APBB2: variants seen among roughly 807,000 people sequenced by gnomAD.
APBB2 encodes amyloid beta precursor protein binding family B member 2.
Under a neutral mutation model 82.5 loss-of-function variants are expected in APBB2, and 38 were observed. The ratio of observed to expected loss-of-function variants is 0.46; its 90% CI spans 0.36 to 0.60. The LOEUF (loss-of-function observed/expected upper bound fraction) is 0.60. APBB2 is among the 20% of genes least tolerant of loss of function. APBB2 has a pLI of 0.00. For missense variants in APBB2, 772 were observed against 972.3 expected (o/e 0.79, Z 2.74); for synonymous variants, 341 against 368.2 (o/e 0.93, Z 0.85).
chr4:41,192,537 C>T (rs931409785), intron 1 of APBB2, among the ~76,000 whole-genome samples: 2 of 151,550 alleles, frequency 1.3e-5, no homozygotes, highest in Admixed American at 6.6e-5. Flanking sequence ...ATACCAGACA[C>T]GGAAAGAAAA....
intron 1 of APBB2, among the ~76,000 whole-genome samples, chr4:41,171,413 CAA>C (rs36104073): frequency 0.14 from 20,989 of 146,152 alleles, 2,467 homozygotes; most frequent in African/African-American, 0.33. Flanking sequence ...ACAATAATAG[CAA>C]AAAAAAAAAA....
At chr4:40,870,042 C>A (rs1490759908) in intron 12 of APBB2, among the ~76,000 whole-genome samples, 1 of 151,928 alleles carries the variant, frequency 6.6e-6, no homozygotes, top group Non-Finnish European at 1.5e-5. Context: ...ACTTAGGTAC[C>A]AAATCACGTT....
At chr4:40,888,060 G>A (rs964213093) in intron 12 of APBB2, among the ~76,000 whole-genome samples, 10 of 152,156 alleles carry the variant, frequency 6.6e-5, no homozygotes, top group African/African-American at 2.2e-4. Flanking sequence ...ACTCCTCTCC[G>A]ACCTCCACTG....
chr4:40,963,650 T>C (rs752956130), intron 6 of APBB2, among the ~76,000 whole-genome samples: 1 of 152,236 alleles, frequency 6.6e-6, no homozygotes, highest in Non-Finnish European at 1.5e-5. Flanking sequence ...GAAGTGGGAA[T>C]AGAGAAACAT....
At chr4:40,968,211 C>T (rs1795126533) in intron 6 of APBB2, among the ~76,000 whole-genome samples, 1 of 152,196 alleles carries the variant, frequency 6.6e-6, no homozygotes, top group Non-Finnish European at 1.5e-5. Context: ...GAGCTAGTAA[C>T]AGTAGGCTGG....
chr4:41,090,729 C>T (rs906785416), intron 3 of APBB2, among the ~76,000 whole-genome samples: 3 of 152,106 alleles, frequency 2.0e-5, no homozygotes, highest in African/African-American at 4.8e-5. Context: ...GAACAGCAGG[C>T]ATAGCTAGGA....
chr4:41,014,273 A>C lies in APBB2; in HGVS notation c.145T>G (p.Leu49Val), dbSNP rs1192890980. 6.2e-6 allele frequency: 10 copies of C among 1,614,000 alleles called. No individual in the cohort carries two copies. The highest frequency in any genetic ancestry group is 8.5e-6 in the Non-Finnish European group (10 of 1,180,036). Residue 49 changes from leucine (L) to valine (V), a missense_variant, in exon 6 of 18, where the codon TTG becomes GTG. Physicochemically the swap from Leu to Val is conservative, Grantham distance 32 (BLOSUM62 1). Coordinates refer to ENST00000508593, the MANE Select transcript of APBB2 (RefSeq NM_004307.2). ...TCTGTGTGTTTTATTTCAGCGTTCA[A>C]CAGTTCATTGTGGGAGGATCGGAGG... ...LNLRSSHNEL[L>V]NAEIKHTETK...
intron 12 of APBB2, among the ~76,000 whole-genome samples, chr4:40,844,665 T>C (rs938643205): frequency 2.0e-5 from 3 of 152,126 alleles, no homozygotes; most frequent in Non-Finnish European, 4.4e-5. Context: ...TGGGTAGCAA[T>C]TTACAAGATC....
intron 12 of APBB2, among the ~76,000 whole-genome samples, chr4:40,860,042 A>C (rs1243382116): frequency 6.6e-6 from 1 of 152,180 alleles, no homozygotes; most frequent in Non-Finnish European, 1.5e-5. Context: ...CTTGGTGTTA[A>C]ATATTTGGAA....
chr4:41,052,574 T>C (rs1337182927), intron 4 of APBB2, among the ~76,000 whole-genome samples: 1 of 152,128 alleles, frequency 6.6e-6, no homozygotes, highest in Non-Finnish European at 1.5e-5. Context: ...CTGAGGATGT[T>C]AACACACCTA....
chr4:41,013,755 G>T lies in APBB2; in HGVS notation c.663C>A (p.Gly221=). Reference sequence around the variant, plus strand: ...GGCTGGATGACACTGTGGCTACTTGGCCGTCTTCAGGGCTGGACTGGGGTC... The same window carrying T: ...GGCTGGATGACACTGTGGCTACTTGTCCGTCTTCAGGGCTGGACTGGGGTC... ...PNRPQSSPED[G]QVATVSSSPE... Residue 221 remains glycine (G), a synonymous_variant, in exon 6 of 18, where the codon GGC becomes GGA. Coordinates refer to ENST00000508593, the MANE Select transcript of APBB2 (RefSeq NM_004307.2). 6.2e-7 allele frequency: 1 copy of T among 1,614,190 alleles called. No individual in the cohort carries two copies. The highest frequency in any genetic ancestry group is 8.5e-7 in the Non-Finnish European group (1 of 1,180,026).
At chr4:41,048,608 C>A (rs1192377163) in intron 4 of APBB2, among the ~76,000 whole-genome samples, 3 of 151,956 alleles carry the variant, frequency 2.0e-5, no homozygotes. Flanking sequence ...TCTCTCCTCT[C>A]AAAAAATAAA....
At chr4:41,044,585 C>A (rs1028751359) in intron 4 of APBB2, among the ~76,000 whole-genome samples, 1 of 152,132 alleles carries the variant, frequency 6.6e-6, no homozygotes, top group Non-Finnish European at 1.5e-5. Flanking sequence ...AGTTTGTGTT[C>A]TTTATGTCTG....
At chr4:41,005,304 C>G (rs977904452) in intron 6 of APBB2, among the ~76,000 whole-genome samples, 3 of 152,168 alleles carry the variant, frequency 2.0e-5, no homozygotes, top group South Asian at 2.1e-4. Context: ...TGGCCAGGAT[C>G]GTCTCAATCT....
At chr4:41,139,163 T>C (rs1353678060) in intron 2 of APBB2, among the ~76,000 whole-genome samples, 1 of 151,958 alleles carries the variant, frequency 6.6e-6, no homozygotes, top group Non-Finnish European at 1.5e-5. Flanking sequence ...GAGCTCTTAA[T>C]ATTGAACTAG....
chr4:40,934,606 T>C lies in APBB2; in HGVS notation c.1193+8A>G. On this transcript the variant is annotated splice_region_variant and intron_variant, in intron 9 of 17. Transcript: ENST00000508593. ...ATTGACAGCAGGTCGATCCTACTAA[T>C]GTCCTACCTGAGTTTCAAAGATGCA... 6.2e-7 allele frequency: 1 copy of C among 1,612,606 alleles called. No individual in the cohort carries two copies. The highest frequency in any genetic ancestry group is 8.5e-7 in the Non-Finnish European group (1 of 1,178,598).
chr4:41,109,688 T>G (rs933845822), intron 2 of APBB2, among the ~76,000 whole-genome samples: 2 of 152,208 alleles, frequency 1.3e-5, no homozygotes, highest in South Asian at 4.1e-4. Context: ...GCCAGGATGG[T>G]CTTGATCTCC....
chr4:41,208,557 C>T (rs937549081), intron 1 of APBB2, among the ~76,000 whole-genome samples: 9 of 150,796 alleles, frequency 6.0e-5, no homozygotes, highest in Non-Finnish European at 1.2e-4. Flanking sequence ...CCACTGCTCC[C>T]GGTTTCTGCA....
At chr4:40,847,538 G>C (rs1577927186) in intron 12 of APBB2, among the ~76,000 whole-genome samples, 1 of 152,226 alleles carries the variant, frequency 6.6e-6, no homozygotes, top group East Asian at 1.9e-4. Flanking sequence ...TAAGGATTTA[G>C]AACTGATTCT....
Sources: allele counts gnomAD v4.1 joint callset (sites outside exome capture counted in the v4.1 genomes callset), GRCh38; gene constraint gnomAD v4.1.1; transcripts MANE v1.5; gene names NCBI Gene and HGNC (gene_info 2026-07-23, HGNC 2026-07-21).